Variants in IAPP observed in about 807,000 individuals in gnomAD.
The protein encoded by IAPP is islet amyloid polypeptide.
A neutral mutation model predicts 2.9 loss-of-function variants in IAPP; 4 were observed. The ratio of observed to expected loss-of-function variants is 1.39; its 90% CI spans 0.69 to 3.19. The LOEUF is 3.19. Among genes scored for constraint, IAPP ranks in the 30% most tolerant of loss-of-function variants. The pLI, the probability that IAPP is intolerant of heterozygous loss-of-function variation, is 0.01. For missense variants in IAPP, 114 were observed against 105.3 expected (o/e 1.08, Z -0.36); for synonymous variants, 40 against 42.1 (o/e 0.95, Z 0.19).
chr12:21,378,498 C>A lies in IAPP; in HGVS notation c.*72C>A. 4.8e-6 allele frequency: 6 copies of A among 1,237,592 alleles called. No homozygotes were observed. Among genetic ancestry groups the A allele is most frequent in the Non-Finnish European group, 7.1e-6 (6 of 839,544 alleles). The allele number at this position is 1,237,592 out of a possible 1,614,324, so 76.7% of individuals were successfully genotyped here. Reference sequence around the variant, plus strand: ...CTGTATAATTTAACAGTGCCCTTTTCATCTCCAGTGTGAATATATGGTCTG... The same window carrying A: ...CTGTATAATTTAACAGTGCCCTTTTAATCTCCAGTGTGAATATATGGTCTG... On this transcript the variant is annotated 3_prime_UTR_variant, in exon 3 of 3. Coordinates refer to ENST00000240652, the MANE Select transcript of IAPP (RefSeq NM_000415.3).
At chr12:21,359,869 T>C (rs1392482964) in intron 1 of IAPP, among the ~76,000 whole-genome samples, 2 of 152,162 alleles carry the variant, frequency 1.3e-5, no homozygotes, top group African/African-American at 4.8e-5. Context: ...TTATTTGTAA[T>C]AGCCTCAAAC....
chr12:21,377,551 G>A (rs78331403), intron 2 of IAPP, among the ~76,000 whole-genome samples: 10,488 of 152,210 alleles, frequency 0.069, 404 homozygotes, highest in African/African-American at 0.11. Flanking sequence ...CCAATGGTTA[G>A]TAACTCCCTA....
intron 1 of IAPP, among the ~76,000 whole-genome samples, chr12:21,367,744 A>T (rs190140036): frequency 2.9e-4 from 44 of 152,218 alleles, no homozygotes; most frequent in Admixed American, 6.5e-4. Flanking sequence ...AAGTACCGAG[A>T]CTACAAGACA....
In IAPP at chr12:21,359,836, G is replaced by A. The variant is rs1422357397; in HGVS notation, c.-16+4823G>A. Among the ~76,000 whole-genome samples the A allele has an allele frequency of 2.0e-5, 3 of 152,058 alleles. No homozygotes were observed. The East Asian group carries it at 5.8e-4, about 29-fold the overall frequency. On this transcript the variant is annotated intron_variant, in intron 1 of 2. Coordinates refer to the IAPP transcript ENST00000539393. ...GAAGCATGTGTCAACACAAAGACTT[G>A]TACATGAATATTTGTTGCAGCTTTA...
At chr12:21,376,181 A>C (rs186184195) in intron 2 of IAPP, 1 of 153,826 alleles carries the variant, frequency 6.5e-6, no homozygotes, top group African/African-American at 2.4e-5. Flanking sequence ...CTTCCAACCA[A>C]TTATCAAAAT....
chr12:21,364,999 C>T lies in IAPP; in HGVS notation c.-15-8338C>T, dbSNP rs370847768. Among the ~76,000 whole-genome samples the T allele has an allele frequency of 5.9e-5, 9 of 152,250 alleles. No individual in the cohort carries two copies. In the East Asian group the frequency reaches 1.5e-3, roughly 26 times the overall value. On this transcript the variant is annotated intron_variant, in intron 1 of 2. Coordinates refer to the IAPP transcript ENST00000539393. ...AGGTAATTTATAGATTCAATGCCAT[C>T]CCCATCAAGCTACCAATGACTTTCT...
intron 1 of IAPP, 116 bp from the exon 2 acceptor site, chr12:21,373,221 C>T: frequency 1.4e-6 from 1 of 720,712 alleles, no homozygotes; most frequent in Non-Finnish European, 2.4e-6. Flanking sequence ...AATTTTGATC[C>T]TTGTAAATTA....
chr12:21,376,241 AT>A, intron 2 of IAPP: 1 of 209,030 alleles, frequency 4.8e-6, no homozygotes, highest in East Asian at 1.4e-4. Context: ...CTTCAGTCAT[AT>A]GCTAAACATA....
At chr12:21,360,103 C>T (rs1207172318) in intron 1 of IAPP, among the ~76,000 whole-genome samples, 1 of 151,382 alleles carries the variant, frequency 6.6e-6, no homozygotes, top group Non-Finnish European at 1.5e-5. Context: ...TCCATAGGAA[C>T]AAAACACACA....
upstream of IAPP, among the ~76,000 whole-genome samples, chr12:21,370,266 G>A (rs113334374): frequency 7.9e-5 from 12 of 151,640 alleles, no homozygotes; most frequent in Non-Finnish European, 1.0e-4. Flanking sequence ...GTGGGATATC[G>A]CATATCAATT....
chr12:21,370,391 C>CAT (rs1287189043), upstream of IAPP, among the ~76,000 whole-genome samples: 1 of 151,344 alleles, frequency 6.6e-6, no homozygotes, highest in African/African-American at 2.4e-5. Flanking sequence ...AGGTTTGTTA[C>CAT]ATATATATAC....
chr12:21,368,996 A>G (rs1052135183), upstream of IAPP, among the ~76,000 whole-genome samples: 1 of 152,144 alleles, frequency 6.6e-6, no homozygotes, highest in African/African-American at 2.4e-5. Context: ...AAATGTAGAA[A>G]CACCTAAAAT....
At chr12:21,360,893 C>T (rs10770803) in intron 1 of IAPP, among the ~76,000 whole-genome samples, 143,425 of 152,188 alleles carry the variant, frequency 0.94, 67,795 homozygotes, top group East Asian at 1. Context: ...GCTAGGAACT[C>T]GAACTCGGTG....
chr12:21,371,938 G>T (rs930341426), upstream of IAPP, among the ~76,000 whole-genome samples: 1 of 151,504 alleles, frequency 6.6e-6, no homozygotes, highest in Non-Finnish European at 1.5e-5. Context: ...GGAGGCACAG[G>T]TTACAGTGAG....
upstream of IAPP, among the ~76,000 whole-genome samples, chr12:21,372,373 A>T (rs1166770289): frequency 2.6e-5 from 4 of 152,156 alleles, no homozygotes; most frequent in African/African-American, 9.7e-5. Flanking sequence ...CCTACCACAG[A>T]GTAGGTCTTC....
Position 21,378,716 on chromosome 12 carries a change from GA to G in IAPP, c.*295del. ...GTGGCACAGGTTTAAGAACGAAGGA[GA>G]AAAAGGTAGTTTGAACCTTGGTAAA... On this transcript the variant is annotated 3_prime_UTR_variant, in exon 3 of 3. Coordinates refer to ENST00000240652, the MANE Select transcript of IAPP (RefSeq NM_000415.3). The G allele has an allele frequency of 3.5e-6, 1 of 287,936 alleles. No homozygotes were observed. The highest frequency in any genetic ancestry group is 6.6e-6 in the Non-Finnish European group (1 of 152,490). The allele number at this position is 287,936 out of a possible 1,614,324, so 17.8% of individuals were successfully genotyped here. A position where few individuals can be genotyped will look rare whatever the true frequency, so the allele number is the denominator to read the frequency against.
rs187394997 is a variant in IAPP, at chr12:21,362,434, A to G, written c.-16+7421A>G. 1.5e-3 allele frequency among the ~76,000 whole-genome samples: 225 copies of G among 152,330 alleles called. 1 individual carries two copies. Among genetic ancestry groups the G allele is most frequent in the Admixed American group, 3.5e-3 (53 of 15,304 alleles). Reference sequence around the variant, plus strand: ...TGGAAAGGAACAACCGGTACGAGCCACTGCAAAAACATGCCAAATTGTAAA... The same window carrying G: ...TGGAAAGGAACAACCGGTACGAGCCGCTGCAAAAACATGCCAAATTGTAAA... On this transcript the variant is annotated intron_variant, in intron 1 of 2. Coordinates refer to the IAPP transcript ENST00000539393.
chr12:21,356,860 A>G (rs1049355539), intron 1 of IAPP, among the ~76,000 whole-genome samples: 1 of 152,206 alleles, frequency 6.6e-6, no homozygotes, highest in African/African-American at 2.4e-5. Context: ...TCTATAGAGT[A>G]GTGAGAACTT....
intron 1 of IAPP, among the ~76,000 whole-genome samples, chr12:21,359,935 C>T (rs1244042966): frequency 6.6e-6 from 1 of 151,972 alleles, no homozygotes; most frequent in African/African-American, 2.4e-5. Context: ...AATATATTCA[C>T]ACAATGAAAC....
Sources: gnomAD v4.1 joint callset for allele counts (sites outside exome capture counted in the v4.1 genomes callset) on GRCh38, gnomAD v4.1.1 for gene constraint, MANE v1.5 for transcripts, NCBI Gene and HGNC (gene_info 2026-07-23, HGNC 2026-07-21) for gene names.